The following ANKS1B variants were observed in gnomAD, a reference collection of about 807,000 sequenced individuals.
ANKS1B encodes the protein ankyrin repeat and sterile alpha motif domain containing 1B, also known as ankyrin repeat and sterile alpha motif domain-containing protein 1B.
A neutral mutation model predicts 148.3 loss-of-function variants in ANKS1B; 36 were observed. The ratio of observed to expected loss-of-function variants is 0.24; its 90% CI spans 0.19 to 0.32. The LOEUF (loss-of-function observed/expected upper bound fraction) is 0.32. Among genes scored for constraint, ANKS1B ranks in the 10% least tolerant of loss-of-function variants. The pLI is 1.00. For synonymous variants in ANKS1B, 542 were observed against 560.8 expected, an observed-to-expected ratio of 0.97 and a Z score of 0.47; for missense variants, 1,157 against 1,542.6, an observed-to-expected ratio of 0.75 and a Z score of 4.19.
chr12:98,887,240 G>C (rs2099742082), intron 17 of ANKS1B, among the ~76,000 whole-genome samples: 1 of 152,198 alleles, frequency 6.6e-6, no homozygotes, highest in African/African-American at 2.4e-5. Flanking sequence ...GGAATATGCA[G>C]CTTAAAAATG....
chr12:98,937,511 G>T (rs1296188673), intron 17 of ANKS1B, among the ~76,000 whole-genome samples: 1 of 151,644 alleles, frequency 6.6e-6, no homozygotes, highest in East Asian at 1.9e-4. Context: ...TACTCTTTTT[G>T]CCAGAGACTC....
intron 1 of ANKS1B, among the ~76,000 whole-genome samples, chr12:99,854,849 A>G (rs932224824): frequency 2.0e-5 from 3 of 152,204 alleles, no homozygotes; most frequent in Non-Finnish European, 2.9e-5. Context: ...ACAAACACTG[A>G]GAGAATTCAC....
At chr12:98,985,579 A>G (rs774588986) in intron 17 of ANKS1B, among the ~76,000 whole-genome samples, 1 of 151,698 alleles carries the variant, frequency 6.6e-6, no homozygotes, top group Non-Finnish European at 1.5e-5. Context: ...CATCTTAACA[A>G]ATAACACCCT....
intron 17 of ANKS1B, among the ~76,000 whole-genome samples, chr12:98,848,925 G>T (rs972493960): frequency 6.6e-6 from 1 of 151,858 alleles, no homozygotes; most frequent in Non-Finnish European, 1.5e-5. Flanking sequence ...TTTTAGTAGA[G>T]ATGGGGTTTC....
chr12:98,846,091 TCCCTAGATATCTGGAATACTGCA>T (rs2099465811), intron 17 of ANKS1B, among the ~76,000 whole-genome samples: 1 of 152,006 alleles, frequency 6.6e-6, no homozygotes, highest in Non-Finnish European at 1.5e-5. Flanking sequence ...CTTTAATTCT[TCCCTAGATATCTGGAATACTGCA>T]TTGCATCTGA....
In ANKS1B at chr12:98,948,213, T is replaced by G. The variant is rs181901913; in HGVS notation, c.2778+104944A>C. On this transcript the variant is annotated intron_variant, in intron 17 of 26. Coordinates refer to ENST00000683438, the MANE Select transcript of ANKS1B (RefSeq NM_001352186.2). ...TCTTCTCTGTATCTTTCTACCTGAT[T>G]GTAATTGTTAGGACTCCTGCCATTT... Among the ~76,000 whole-genome samples the G allele has an allele frequency of 3.3e-5, 5 of 152,346 alleles. No individual in the cohort carries two copies. The East Asian group carries it at 9.6e-4, about 29-fold the overall frequency.
chr12:99,225,376 A>T (rs1486961435), intron 14 of ANKS1B, among the ~76,000 whole-genome samples: 1 of 152,132 alleles, frequency 6.6e-6, no homozygotes, highest in Admixed American at 6.5e-5. Flanking sequence ...GTCAAGTTGT[A>T]GTCTTAGTTG....
intron 14 of ANKS1B, among the ~76,000 whole-genome samples, chr12:99,180,491 C>T (rs933785140): frequency 6.6e-6 from 1 of 152,088 alleles, no homozygotes; most frequent in Non-Finnish European, 1.5e-5. Flanking sequence ...TGCTTACTTT[C>T]CCAAAAAGTT....
At chr12:99,181,449 G>A (rs955536947) in intron 14 of ANKS1B, among the ~76,000 whole-genome samples, 1 of 152,136 alleles carries the variant, frequency 6.6e-6, no homozygotes, top group Non-Finnish European at 1.5e-5. Context: ...GTAAAAGATT[G>A]TAAACAGCAA....
intron 14 of ANKS1B, chr12:99,154,610 G>T: frequency 6.8e-7 from 1 of 1,461,318 alleles, no homozygotes; most frequent in East Asian, 2.5e-5. Context: ...AGTATGACTT[G>T]ATCCTAGCTC....
intron 1 of ANKS1B, among the ~76,000 whole-genome samples, chr12:99,962,671 G>A (rs1000807793): frequency 4.7e-4 from 71 of 152,182 alleles, no homozygotes; most frequent in African/African-American, 1.6e-3. Flanking sequence ...CACCAACAGT[G>A]TAAAAGCTTC....
At chr12:99,942,708 A>C (rs2094950726) in intron 1 of ANKS1B, among the ~76,000 whole-genome samples, 1 of 152,140 alleles carries the variant, frequency 6.6e-6, no homozygotes, top group African/African-American at 2.4e-5. Context: ...TTGAATGCCC[A>C]CCATAAACTC....
At chr12:99,457,657 G>C (rs1391376638) in intron 10 of ANKS1B, among the ~76,000 whole-genome samples, 2 of 152,004 alleles carry the variant, frequency 1.3e-5, no homozygotes, top group Admixed American at 6.6e-5. Flanking sequence ...AAACTTTAAA[G>C]CAGCAGCAGT....
At chr12:99,109,714 A>G (rs2059916789) in intron 15 of ANKS1B, among the ~76,000 whole-genome samples, 1 of 152,194 alleles carries the variant, frequency 6.6e-6, no homozygotes, top group Non-Finnish European at 1.5e-5. Flanking sequence ...CCTAGCTGGG[A>G]AATTCTAGAG....
At chr12:99,055,453 T>A (rs10467004) in intron 16 of ANKS1B, among the ~76,000 whole-genome samples, 100,215 of 152,036 alleles carry the variant, frequency 0.66, 33,299 homozygotes, top group East Asian at 0.89. Flanking sequence ...CTCATACCAG[T>A]GAACTGTGCA....
At chr12:99,335,998 G>A (rs1005996903) in intron 12 of ANKS1B, among the ~76,000 whole-genome samples, 9 of 151,990 alleles carry the variant, frequency 5.9e-5, no homozygotes, top group African/African-American at 2.2e-4. Flanking sequence ...CAAGAGTTCC[G>A]TTTTCTCCAC....
chr12:98,768,249 A>G (rs2098511978), intron 25 of ANKS1B, among the ~76,000 whole-genome samples: 1 of 151,712 alleles, frequency 6.6e-6, no homozygotes, highest in South Asian at 2.1e-4. Flanking sequence ...TTTCTTGACA[A>G]CCCTAATTCT....
At chr12:99,206,242 A>T (rs1019543428) in intron 14 of ANKS1B, among the ~76,000 whole-genome samples, 4 of 152,198 alleles carry the variant, frequency 2.6e-5, no homozygotes, top group Non-Finnish European at 5.9e-5. Context: ...CCTAATTTAT[A>T]AAAAAACTGA....
At chr12:99,258,474 T>C (rs551346953) in intron 12 of ANKS1B, among the ~76,000 whole-genome samples, 3 of 152,162 alleles carry the variant, frequency 2.0e-5, no homozygotes, top group Non-Finnish European at 4.4e-5. Context: ...GTTTTGTACA[T>C]AAATCCTGGA....
Sources: gnomAD v4.1 joint callset for allele counts (sites outside exome capture counted in the v4.1 genomes callset) on GRCh38, gnomAD v4.1.1 for gene constraint, MANE v1.5 for transcripts, NCBI Gene and HGNC (gene_info 2026-07-23, HGNC 2026-07-21) for gene names.